TNFSF4: variants seen among roughly 807,000 people sequenced by gnomAD.
TNFSF4 encodes the protein tumor necrosis factor ligand superfamily member 4.
In TNFSF4, 4 loss-of-function variants were observed where a neutral mutation model predicts 7.3. The ratio of observed to expected loss-of-function variants is 0.55; its 90% CI spans 0.27 to 1.25. The LOEUF (loss-of-function observed/expected upper bound fraction) is 1.25. Ranked by LOEUF, TNFSF4 falls within the 50% of genes most tolerant of loss-of-function variation. The probability of loss-of-function intolerance (pLI) is 0.12; values close to 1 mark genes in which losing one functional copy is unlikely to be tolerated. For missense variants in TNFSF4, 181 were observed against 208.8 expected, an observed-to-expected ratio of 0.87 and a Z score of 0.82; for synonymous variants, 76 against 83.7, an observed-to-expected ratio of 0.91 and a Z score of 0.50.
chr1:173,216,088 C>T, the TNFSF4 span, among the ~76,000 whole-genome samples: 9 of 152,116 alleles, frequency 5.9e-5, no homozygotes, highest in African/African-American at 2.2e-4. Flanking sequence ...TTCATAAAGA[C>T]TCAGAAGACT....
At chr1:173,415,792 T>C in the TNFSF4 span, among the ~76,000 whole-genome samples, 1 of 152,230 alleles carries the variant, frequency 6.6e-6, no homozygotes, top group Non-Finnish European at 1.5e-5. Flanking sequence ...CTGAGAAGAA[T>C]GCAAATGCTC....
the TNFSF4 span, among the ~76,000 whole-genome samples, chr1:173,243,665 C>T: frequency 1.3e-5 from 2 of 152,214 alleles, no homozygotes; most frequent in Non-Finnish European, 2.9e-5. Context: ...ATCATCACCC[C>T]CTGCCATATG....
the TNFSF4 span, among the ~76,000 whole-genome samples, chr1:173,375,265 G>A: frequency 6.6e-6 from 1 of 152,146 alleles, no homozygotes; most frequent in Non-Finnish European, 1.5e-5. Flanking sequence ...AGGACCCCTG[G>A]ACTGACCCAC....
At chr1:173,434,073 C>T in the TNFSF4 span, among the ~76,000 whole-genome samples, 1 of 152,226 alleles carries the variant, frequency 6.6e-6, no homozygotes, top group Non-Finnish European at 1.5e-5. Context: ...GACTCTCCCT[C>T]ACAGCCCTCA....
At chr1:173,353,642 G>T in the TNFSF4 span, among the ~76,000 whole-genome samples, 33 of 152,230 alleles carry the variant, frequency 2.2e-4, no homozygotes, top group African/African-American at 7.5e-4. Context: ...ACAGAATTTC[G>T]TAAGAGCCAT....
the TNFSF4 span, among the ~76,000 whole-genome samples, chr1:173,445,429 A>C: frequency 6.6e-6 from 1 of 152,190 alleles, no homozygotes; most frequent in Admixed American, 6.5e-5. Context: ...CTTTAAGCTG[A>C]AGAACATAGA....
chr1:173,333,303 C>T, the TNFSF4 span, among the ~76,000 whole-genome samples: 2 of 131,970 alleles, frequency 1.5e-5, no homozygotes, highest in South Asian at 5.5e-4. Context: ...GGACGGGCCC[C>T]ATCCAATCAG....
chr1:173,219,437 C>T, the TNFSF4 span, among the ~76,000 whole-genome samples: 1 of 152,088 alleles, frequency 6.6e-6, no homozygotes, highest in Non-Finnish European at 1.5e-5. Context: ...AAAGGGGACA[C>T]TTTTACACTG....
chr1:173,401,659 T>C, the TNFSF4 span, among the ~76,000 whole-genome samples: 2 of 152,126 alleles, frequency 1.3e-5, no homozygotes, highest in Admixed American at 1.3e-4. Flanking sequence ...CACCACTGGC[T>C]TTCCTGTATC....
At chr1:173,194,719 C>CAAA (rs965350542) in intron 1 of TNFSF4, among the ~76,000 whole-genome samples, 1 of 150,956 alleles carries the variant, frequency 6.6e-6, no homozygotes, top group Non-Finnish European at 1.5e-5. Context: ...CCTATTTCTA[C>CAAA]AAAAAAATAA....
chr1:173,409,386 T>C, the TNFSF4 span, among the ~76,000 whole-genome samples: 2 of 152,352 alleles, frequency 1.3e-5, no homozygotes, highest in East Asian at 3.9e-4. Context: ...ATGTTATTAA[T>C]ACTTTTATAA....
At chr1:173,215,362 C>T in the TNFSF4 span, among the ~76,000 whole-genome samples, 1 of 152,018 alleles carries the variant, frequency 6.6e-6, no homozygotes, top group Non-Finnish European at 1.5e-5. Context: ...TAAAATTGTA[C>T]CAAAAGAGCA....
the TNFSF4 span, among the ~76,000 whole-genome samples, chr1:173,372,817 A>T: frequency 3.3e-5 from 5 of 152,242 alleles, no homozygotes; most frequent in Non-Finnish European, 5.9e-5. Flanking sequence ...GAACCAATCA[A>T]GCATGACGGA....
At chr1:173,325,737 C>T in the TNFSF4 span, among the ~76,000 whole-genome samples, 2 of 152,174 alleles carry the variant, frequency 1.3e-5, no homozygotes, top group Non-Finnish European at 2.9e-5. Context: ...ACTATAAATG[C>T]CTCTACGCAA....
chr1:173,202,298 T>C (rs1487788801), intron 1 of TNFSF4, among the ~76,000 whole-genome samples: 1 of 152,160 alleles, frequency 6.6e-6, no homozygotes, highest in Non-Finnish European at 1.5e-5. Flanking sequence ...ACACGTGCAA[T>C]ATTTTCCAGC....
At chr1:173,366,070 G>T in the TNFSF4 span, among the ~76,000 whole-genome samples, 1 of 152,104 alleles carries the variant, frequency 6.6e-6, no homozygotes, top group Non-Finnish European at 1.5e-5. Context: ...CAATTTAGAG[G>T]TTCCTCAAAA....
At chr1:173,329,423 T>A in the TNFSF4 span, among the ~76,000 whole-genome samples, 1 of 152,176 alleles carries the variant, frequency 6.6e-6, no homozygotes, top group African/African-American at 2.4e-5. Flanking sequence ...TGCAATTTTT[T>A]AAAATACTTT....
the TNFSF4 span, among the ~76,000 whole-genome samples, chr1:173,309,243 C>A: frequency 6.6e-6 from 1 of 151,808 alleles, no homozygotes; most frequent in Non-Finnish European, 1.5e-5. Flanking sequence ...CTGGCTAGGA[C>A]CTGTAAAATT....
the TNFSF4 span, among the ~76,000 whole-genome samples, chr1:173,307,573 T>C: frequency 6.6e-6 from 1 of 151,940 alleles, no homozygotes; most frequent in Non-Finnish European, 1.5e-5. Context: ...TATCAGATAA[T>C]AGTGGCAAAT....
Sources: allele counts gnomAD v4.1 joint callset (sites outside exome capture counted in the v4.1 genomes callset), GRCh38; gene constraint gnomAD v4.1.1; transcripts MANE v1.5; gene names NCBI Gene and HGNC (gene_info 2026-07-23, HGNC 2026-07-21).